ETFB: variants seen among roughly 807,000 people sequenced by gnomAD.
The protein encoded by ETFB is beta-ETF.
ETFB carries 20 observed loss-of-function variants against 25.6 expected under a neutral mutation model. The ratio of observed to expected loss-of-function variants is 0.78; its 90% confidence interval spans 0.55 to 1.14. The LOEUF is 1.14. Among genes scored for constraint, ETFB ranks in the 50% most tolerant of loss-of-function variants. The probability of loss-of-function intolerance (pLI) is 0.00; values close to 1 mark genes in which losing one functional copy is unlikely to be tolerated. For synonymous variants in ETFB, 142 were observed against 146.7 expected (o/e 0.97, Z 0.23); for missense variants, 286 against 342.6 (o/e 0.83, Z 1.30).
chr19:51,349,812 C>T (rs1985888189), intron 4 of ETFB, among the ~76,000 whole-genome samples: 2 of 150,898 alleles, frequency 1.3e-5, no homozygotes, highest in South Asian at 2.1e-4. Flanking sequence ...CAGTGGCGTG[C>T]GATCTTGCCT....
intron 4 of ETFB, among the ~76,000 whole-genome samples, chr19:51,349,980 C>A (rs1599840198): frequency 6.6e-6 from 1 of 151,966 alleles, no homozygotes; most frequent in East Asian, 1.9e-4. Context: ...CTCCTCCTGA[C>A]CTCAAGTAAT....
In ETFB at chr19:51,350,384, T is replaced by C. The variant is rs1316196201; in HGVS notation, c.383A>G (p.Asp128Gly). 1 of 1,509,808 alleles carries C rather than the reference T, an allele frequency of 6.6e-7. No individual in the cohort carries two copies. The highest frequency in any genetic ancestry group is 2.3e-5 in the East Asian group (1 of 44,372). The allele number at this position is 1,509,808 out of a possible 1,614,324, so 93.5% of individuals were successfully genotyped here. A position where few individuals can be genotyped will look rare whatever the true frequency, so the allele number is the denominator to read the frequency against. Residue 128 changes from aspartate to glycine, a missense_variant, in exon 4 of 6, where the codon GAT becomes GGT. Coordinates refer to ENST00000309244, the MANE Select transcript of ETFB (RefSeq NM_001985.3). Reference sequence around the variant, plus strand: ...CTGCCCTGTCTGGTTACAGTCATCATCGATGGCCTGAATGGGGAGAGACAG... The same window carrying C: ...CTGCCCTGTCTGGTTACAGTCATCACCGATGGCCTGAATGGGGAGAGACAG... Reference protein sequence around the residue: ...DLVLLGKQAIDDDCNQTGQMT... With the variant: ...DLVLLGKQAIGDDCNQTGQMT...
chr19:51,359,886 C>T (rs1021904227), intron 1 of ETFB, among the ~76,000 whole-genome samples: 2 of 151,688 alleles, frequency 1.3e-5, no homozygotes, highest in South Asian at 2.1e-4. Context: ...GTCATGGTGG[C>T]GTGCACCTGT....
intron 4 of ETFB, chr19:51,347,538 G>A: frequency 5.1e-6 from 1 of 196,514 alleles, no homozygotes; most frequent in Non-Finnish European, 1.1e-5. Flanking sequence ...CCCTCCGCTG[G>A]GCAGACAACA....
chr19:51,347,244 G>A, intron 4 of ETFB, 186 bp from the exon 5 acceptor site: 1 of 629,876 alleles, frequency 1.6e-6, no homozygotes, highest in Non-Finnish European at 2.8e-6. Context: ...TCCTTTCCCT[G>A]AGAGCCACGG....
chr19:51,345,259 C>T lies in ETFB; in HGVS notation c.720G>A (p.Glu240=). 6.2e-7 allele frequency: 1 copy of T among 1,614,234 alleles called. No homozygotes were observed. The highest frequency in any genetic ancestry group is 8.5e-7 in the Non-Finnish European group (1 of 1,180,040). The change falls in exon 6 of 6, where the codon GAG becomes GAA. Residue 240 remains glutamate (E), a synonymous_variant. Coordinates refer to ENST00000309244, the MANE Select transcript of ETFB (RefSeq NM_001985.3). ...PPQRTAGVKV[E]TTEDLVAKLK... is the part of the protein sequence containing the mutation. ...GCTTGGCCACCAGGTCCTCAGTGGT[C>T]TCCACCTTGACGCCGGCCGTGCGCT...
chr19:51,358,032 C>T (rs945571882), intron 1 of ETFB, among the ~76,000 whole-genome samples: 1 of 152,254 alleles, frequency 6.6e-6, no homozygotes, highest in Non-Finnish European at 1.5e-5. Context: ...CAGCCAGAGC[C>T]GGGAAGACGG....
At chr19:51,358,338 C>G (rs1178318194) in intron 1 of ETFB, among the ~76,000 whole-genome samples, 7 of 152,184 alleles carry the variant, frequency 4.6e-5, no homozygotes, top group Admixed American at 4.6e-4. Flanking sequence ...GCTTCCCACT[C>G]TGGCTGTGCC....
At chr19:51,365,757 C>T (rs1460694445) in intron 1 of ETFB, among the ~76,000 whole-genome samples, 2 of 152,238 alleles carry the variant, frequency 1.3e-5, no homozygotes, top group Non-Finnish European at 2.9e-5. Flanking sequence ...GCTAGAGCCT[C>T]CTGGCTCACC....
Position 51,361,534 on chromosome 19 carries a change from C to A in ETFB, c.57+4736G>T, listed in dbSNP as rs543167579. On this transcript the variant is annotated intron_variant, in intron 1 of 5. Coordinates refer to ENST00000309244, the MANE Select transcript of ETFB (RefSeq NM_001985.3). ...AGTGCGTGGAGCCCAAAGAGGAAAA[C>A]CTGAAGAAACACCAGGCGCTCCCAG... Among the ~76,000 whole-genome samples, 6 of 152,234 alleles carry A rather than the reference C, an allele frequency of 3.9e-5. No homozygotes were observed. The East Asian group carries it at 1.2e-3, about 29-fold the overall frequency.
intron 1 of ETFB, among the ~76,000 whole-genome samples, chr19:51,359,032 G>A (rs1986155661): frequency 6.6e-6 from 1 of 151,954 alleles, no homozygotes; most frequent in African/African-American, 2.4e-5. Context: ...GGAGAAAGAG[G>A]AGAAGGAGCT....
intron 4 of ETFB, 115 bp from the exon 5 acceptor site, chr19:51,347,173 G>A (rs74903528): frequency 0.033 from 34,575 of 1,049,004 alleles, 713 homozygotes; most frequent in South Asian, 0.055. Context: ...ATGAGGGAGC[G>A]AACAATGCAG....
chr19:51,358,849 A>C (rs12977941), intron 1 of ETFB, among the ~76,000 whole-genome samples: 71,299 of 149,814 alleles, frequency 0.48, 17,995 homozygotes, highest in Non-Finnish European at 0.55. Flanking sequence ...AAAAAAAAAA[A>C]ACAGCCAGGT....
At chr19:51,363,614 A>G (rs1986281859) in intron 1 of ETFB, among the ~76,000 whole-genome samples, 1 of 151,952 alleles carries the variant, frequency 6.6e-6, no homozygotes, top group Non-Finnish European at 1.5e-5. Context: ...ATGCCTGGCT[A>G]ATTTTTTTAT....
rs1338681198 is a variant in ETFB at position 51,346,947 on chromosome 19, C to T, written c.550G>A (p.Asp184Asn). ...RLKLPAVVTADLRLNEPRYAT... is the reference protein window; with the variant it reads ...RLKLPAVVTANLRLNEPRYAT... ...TAGCGGGGCTCGTTGAGCCTCAGGT[C>T]AGCTGTCACCACAGCTGGCAGCTTC... The change falls in exon 5 of 6, where the codon GAC (aspartate) becomes AAC (asparagine). Residue 184 changes from aspartate to asparagine, a missense_variant. Physicochemically the swap from Asp to Asn is conservative, Grantham distance 23. Coordinates refer to ENST00000309244, the MANE Select transcript of ETFB (RefSeq NM_001985.3). 6.3e-7 allele frequency: 1 copy of T among 1,590,444 alleles called. No individual in the cohort carries two copies. Among genetic ancestry groups the T allele is most frequent in the Non-Finnish European group, 8.6e-7 (1 of 1,168,474 alleles).
In ETFB at chr19:51,347,534, G is replaced by A. The variant is rs1015721344; in HGVS notation, c.439-476C>T. Reference sequence around the variant, plus strand: ...CAACGGCCCCCCGTGAGGCCCCTCCGCTGGGCAGACAACAGAACTGTGTGT... The same window carrying A: ...CAACGGCCCCCCGTGAGGCCCCTCCACTGGGCAGACAACAGAACTGTGTGT... On this transcript the variant is annotated intron_variant, in intron 4 of 5. Transcript: ENST00000309244. The A allele has an allele frequency of 1.1e-4, 21 of 197,588 alleles. 1 individual carries two copies. Among genetic ancestry groups the A allele is most frequent in the South Asian group, 1.8e-4 (2 of 11,394 alleles). The allele number at this position is 197,588 out of a possible 1,614,324, so 12.2% of individuals were successfully genotyped here. A position where few individuals can be genotyped will look rare whatever the true frequency, so the allele number is the denominator to read the frequency against.
chr19:51,347,145 G>A (rs972038317), intron 4 of ETFB, 87 bp from the exon 5 acceptor site: 68 of 1,332,966 alleles, frequency 5.1e-5, no homozygotes, highest in Non-Finnish European at 6.6e-5. Context: ...CTGAGTACAC[G>A]CATGGACTAG....
At chr19:51,352,594 C>G (rs921804097) in intron 3 of ETFB, among the ~76,000 whole-genome samples, 1 of 151,978 alleles carries the variant, frequency 6.6e-6, no homozygotes, top group African/African-American at 2.4e-5. Context: ...AGCCTCTAAA[C>G]TCACCCAAAA....
At chr19:51,354,621 C>G (rs760192124) in intron 1 of ETFB, 1 of 1,593,428 alleles carries the variant, frequency 6.3e-7, no homozygotes, top group South Asian at 1.1e-5. Context: ...TTATGGTAAC[C>G]CACAGTGAGA....
Sources: gnomAD v4.1 joint callset for allele counts (sites outside exome capture counted in the v4.1 genomes callset) on GRCh38, gnomAD v4.1.1 for gene constraint, MANE v1.5 for transcripts, NCBI Gene and HGNC (gene_info 2026-07-23, HGNC 2026-07-21) for gene names.